Variants in CECR2 observed in about 807,000 individuals in gnomAD.
CECR2 encodes the protein CECR2 histone acetyl-lysine reader, also known as chromatin remodeling regulator CECR2.
Under a neutral mutation model 154.5 loss-of-function variants are expected in CECR2, and 30 were observed. The ratio of observed to expected loss-of-function variants is 0.19; its 90% CI spans 0.15 to 0.26. The LOEUF (loss-of-function observed/expected upper bound fraction) is 0.26. CECR2 is among the 10% of genes least tolerant of loss of function. The pLI is 1.00. For missense variants in CECR2, 1,743 were observed against 1,829.3 expected (o/e 0.95, Z 0.86); for synonymous variants, 725 against 683.7 (o/e 1.06, Z -0.94).
chr22:17,415,744 G>T (rs1284883984), intron 1 of CECR2, among the ~76,000 whole-genome samples: 1 of 152,206 alleles, frequency 6.6e-6, no homozygotes, highest in African/African-American at 2.4e-5. Context: ...TTTTAAGTGG[G>T]TCAGAAATTG....
chr22:17,526,831 GA>G, intron 9 of CECR2, among the ~76,000 whole-genome samples: 1 of 101,880 alleles, frequency 9.8e-6, no homozygotes, highest in East Asian at 3.5e-4. Flanking sequence ...AAAAAAAAAA[GA>G]ATTATATCTA....
intron 2 of CECR2, 124 bp downstream of exon 2, chr22:17,477,806 T>C: frequency 1.4e-6 from 1 of 695,944 alleles, no homozygotes; most frequent in South Asian, 1.6e-5. Flanking sequence ...ACACTGTAGA[T>C]GGAGGACGTA....
intron 1 of CECR2, among the ~76,000 whole-genome samples, chr22:17,470,540 T>C (rs771294063): frequency 6.6e-6 from 1 of 152,182 alleles, no homozygotes; most frequent in African/African-American, 2.4e-5. Context: ...ACCTTATCTC[T>C]GGCATCACTC....
chr22:17,466,821 T>A (rs1377138463), intron 1 of CECR2, among the ~76,000 whole-genome samples: 1 of 152,226 alleles, frequency 6.6e-6, no homozygotes, highest in African/African-American at 2.4e-5. Context: ...CTCGAACTCC[T>A]GACCTTGTGA....
At chr22:17,535,092 A>G (rs1211546039) in intron 9 of CECR2, among the ~76,000 whole-genome samples, 2 of 151,702 alleles carry the variant, frequency 1.3e-5, no homozygotes, top group African/African-American at 2.4e-5. Context: ...CGGAGCTCGC[A>G]GTGAGGCGAG....
chr22:17,428,139 C>G (rs1306504243), intron 1 of CECR2: 1 of 152,176 alleles, frequency 6.6e-6, no homozygotes, highest in Non-Finnish European at 1.5e-5. Context: ...TGCGACGTGT[C>G]TGTTCATATC....
intron 1 of CECR2, among the ~76,000 whole-genome samples, chr22:17,473,151 C>T (rs902873262): frequency 1.3e-5 from 2 of 152,196 alleles, no homozygotes; most frequent in South Asian, 4.1e-4. Flanking sequence ...TTACTCCCTT[C>T]AGCTACTCTC....
At chr22:17,484,087 A>G (rs2055377566) in intron 2 of CECR2, among the ~76,000 whole-genome samples, 2 of 152,202 alleles carry the variant, frequency 1.3e-5, no homozygotes, top group Non-Finnish European at 2.9e-5. Context: ...AGTAGGCTCT[A>G]CCATCTAGGT....
chr22:17,524,407 TTTTGAGACG>T, intron 9 of CECR2, 136 bp downstream of exon 9: 1 of 1,072,988 alleles, frequency 9.3e-7, no homozygotes, highest in African/African-American at 1.8e-5. Context: ...TTTTTTTTTT[TTTTGAGACG>T]GAGTCTCGCT....
chr22:17,429,837 A>G (rs926440021), intron 1 of CECR2, among the ~76,000 whole-genome samples: 3 of 152,196 alleles, frequency 2.0e-5, no homozygotes, highest in Non-Finnish European at 4.4e-5. Context: ...GTTTTCATTC[A>G]TGGTCAGAGT....
At chr22:17,395,674 G>A (rs963232628) in intron 1 of CECR2, among the ~76,000 whole-genome samples, 2 of 152,004 alleles carry the variant, frequency 1.3e-5, no homozygotes, top group South Asian at 2.1e-4. Context: ...ACTTAAGCAC[G>A]CATTGAGTAG....
At chr22:17,524,777 A>T (rs1272108880) in intron 9 of CECR2, 1 of 260,344 alleles carries the variant, frequency 3.8e-6, no homozygotes, top group Admixed American at 3.9e-5. Flanking sequence ...CACTTACTGC[A>T]ACCTCTGCCT....
chr22:17,421,820 A>G (rs931328689), intron 1 of CECR2, among the ~76,000 whole-genome samples: 1 of 149,776 alleles, frequency 6.7e-6, no homozygotes, highest in Non-Finnish European at 1.5e-5. Context: ...CCCTTGGGTC[A>G]GTTAGGCTCT....
At position 17,557,775 on chromosome 22, in the gene CECR2, C is replaced by G. The variant is rs2056791208; in HGVS notation, c.*4935C>G. The G allele has an allele frequency of 6.6e-6, 1 of 152,306 alleles. No homozygotes were observed. The highest frequency in any genetic ancestry group is 1.5e-5 in the Non-Finnish European group (1 of 68,148). 9.4% of individuals were successfully genotyped at this position (152,306 alleles called of 1,614,324 possible). Reference sequence around the variant, plus strand: ...CCCTTCCCTTCCCTTCCCTTCCTTTCCCTTCCCTAGCCAGGGCTCAGGTAC... The same window carrying G: ...CCCTTCCCTTCCCTTCCCTTCCTTTGCCTTCCCTAGCCAGGGCTCAGGTAC... On this transcript the variant is annotated 3_prime_UTR_variant, in exon 19 of 19. Transcript: ENST00000262608.
chr22:17,427,072 C>T (rs1049269887), intron 1 of CECR2, among the ~76,000 whole-genome samples: 1 of 151,882 alleles, frequency 6.6e-6, no homozygotes, highest in African/African-American at 2.4e-5. Flanking sequence ...CAAGTGTTCT[C>T]ATTGTTCAAT....
At chr22:17,448,888 A>AT (rs945868078) in intron 1 of CECR2, among the ~76,000 whole-genome samples, 5 of 150,558 alleles carry the variant, frequency 3.3e-5, no homozygotes, top group Admixed American at 6.6e-5. Context: ...TTATTTATTT[A>AT]TTTTTTTTGG....
At position 17,444,951 on chromosome 22, in the gene CECR2, C is replaced by G. The variant is rs562871832; in HGVS notation, c.127-32637C>G. Reference sequence around the variant, plus strand: ...ATATTCCACAAAAAAACCAAGTATCCTTACTATGAAAAATAATGTGCTGAT... The same window carrying G: ...ATATTCCACAAAAAAACCAAGTATCGTTACTATGAAAAATAATGTGCTGAT... On this transcript the variant is annotated intron_variant, in intron 1 of 18. Transcript: ENST00000262608. Among the ~76,000 whole-genome samples, 3 of 152,260 alleles carry G rather than the reference C, an allele frequency of 2.0e-5. No individual in the cohort carries two copies. In the East Asian group the frequency reaches 5.8e-4, roughly 29 times the overall value.
chr22:17,419,814 A>G (rs2054217888), intron 1 of CECR2: 2 of 279,858 alleles, frequency 7.1e-6, no homozygotes, highest in Non-Finnish European at 1.4e-5. Context: ...TGCTCAGAAT[A>G]TAGCTCAGAG....
chr22:17,371,274 A>G (rs1161066795), intron 1 of CECR2, among the ~76,000 whole-genome samples: 9 of 152,174 alleles, frequency 5.9e-5, no homozygotes, highest in African/African-American at 1.9e-4. Context: ...GTAGACAGAT[A>G]GTCTAGGGCC....
Sources: allele counts gnomAD v4.1 joint callset (sites outside exome capture counted in the v4.1 genomes callset), GRCh38; gene constraint gnomAD v4.1.1; transcripts MANE v1.5; gene names NCBI Gene and HGNC (gene_info 2026-07-23, HGNC 2026-07-21).